The following LAMA2 variants were observed in gnomAD, a reference collection of about 807,000 sequenced individuals.
The protein encoded by LAMA2 is laminin subunit alpha-2.
LAMA2 carries 269 observed loss-of-function variants against 364.8 expected under a neutral mutation model. The ratio of observed to expected loss-of-function variants is 0.74; its 90% CI spans 0.67 to 0.82. The LOEUF (loss-of-function observed/expected upper bound fraction) is 0.82, where lower values mean the gene tolerates loss of function less well. LAMA2 is among the 40% of genes least tolerant of loss of function. The probability of loss-of-function intolerance (pLI) is 0.00; values close to 1 mark genes in which losing one functional copy is unlikely to be tolerated. For synonymous variants in LAMA2, 1,379 were observed against 1,370.6 expected (o/e 1.01, Z -0.14); for missense variants, 3,807 against 3,873.2 (o/e 0.98, Z 0.45).
chr6:129,040,435 A>G (rs1047406407), intron 1 of LAMA2, among the ~76,000 whole-genome samples: 1 of 152,236 alleles, frequency 6.6e-6, no homozygotes, highest in South Asian at 2.1e-4. Context: ...AACTTGGGCA[A>G]CAGAGCAAGA....
intron 37 of LAMA2, among the ~76,000 whole-genome samples, chr6:129,393,825 C>T (rs577442416): frequency 6.6e-6 from 1 of 152,184 alleles, no homozygotes; most frequent in African/African-American, 2.4e-5. Flanking sequence ...TGAATTGAGA[C>T]CAGAGCTTGG....
chr6:129,315,941 A>G lies in LAMA2; in HGVS notation c.3915A>G (p.Glu1305=), dbSNP rs1247245883. 7.4e-6 allele frequency: 12 copies of G among 1,614,022 alleles called. No homozygotes were observed. The highest frequency in any genetic ancestry group is 1.0e-5 in the Non-Finnish European group (12 of 1,180,022). ...LIGQLTRHEI[E]MTEKEWKYYG... Reference sequence around the variant, plus strand: ...GCCAATTGACAAGGCATGAAATTGAAATGACAGAGGTAAAGTTAGTCATTG... The same window carrying G: ...GCCAATTGACAAGGCATGAAATTGAGATGACAGAGGTAAAGTTAGTCATTG... Residue 1305 remains glutamate, a synonymous_variant, in exon 26 of 65, where the codon GAA becomes GAG. Coordinates refer to ENST00000421865, the MANE Select transcript of LAMA2 (RefSeq NM_000426.4).
chr6:129,336,496 C>T (rs1583523534), intron 29 of LAMA2, among the ~76,000 whole-genome samples: 1 of 152,076 alleles, frequency 6.6e-6, no homozygotes, highest in African/African-American at 2.4e-5. Context: ...TGTACCAGGA[C>T]CAAAACAGGT....
chr6:129,044,109 G>C (rs1787296486), intron 1 of LAMA2, among the ~76,000 whole-genome samples: 1 of 151,930 alleles, frequency 6.6e-6, no homozygotes, highest in African/African-American at 2.4e-5. Flanking sequence ...TTCCTTCTAA[G>C]TATTCATAGT....
chr6:129,088,117 A>C (rs12211988), intron 3 of LAMA2, among the ~76,000 whole-genome samples: 9,420 of 23,960 alleles, frequency 0.39, 2,933 homozygotes, highest in Non-Finnish European at 0.76. Flanking sequence ...ATGCTGCCTT[A>C]AAGCATCTGT....
chr6:129,193,025 T>C (rs1175081370), intron 12 of LAMA2, among the ~76,000 whole-genome samples, 172 bp downstream of exon 12: 4 of 152,176 alleles, frequency 2.6e-5, no homozygotes, highest in Admixed American at 6.5e-5. Context: ...CACAAGACCT[T>C]AAAGAGCCAC....
At chr6:129,118,063 A>G (rs371480756) in intron 4 of LAMA2, among the ~76,000 whole-genome samples, 15 of 152,338 alleles carry the variant, frequency 9.8e-5, no homozygotes, top group African/African-American at 3.1e-4. Flanking sequence ...TGTCTTACCC[A>G]TGAAAGAACA....
At chr6:129,332,350 T>C (rs1775705406) in intron 29 of LAMA2, among the ~76,000 whole-genome samples, 1 of 152,200 alleles carries the variant, frequency 6.6e-6, no homozygotes, top group Non-Finnish European at 1.5e-5. Flanking sequence ...TCCATTTTGT[T>C]TTACTTACCT....
At chr6:129,348,988 T>C (rs1776712005) in intron 30 of LAMA2, among the ~76,000 whole-genome samples, 1 of 152,160 alleles carries the variant, frequency 6.6e-6, no homozygotes, top group Non-Finnish European at 1.5e-5. Context: ...TAGTGAACAA[T>C]AGGACAATTT....
intron 1 of LAMA2, among the ~76,000 whole-genome samples, chr6:128,954,488 A>G (rs1163766054): frequency 6.6e-6 from 1 of 152,076 alleles, no homozygotes; most frequent in African/African-American, 2.4e-5. Context: ...AAATACCTGC[A>G]TCAGCAGACA....
At chr6:129,085,990 G>T (rs1013817646) in intron 3 of LAMA2, among the ~76,000 whole-genome samples, 2 of 152,108 alleles carry the variant, frequency 1.3e-5, no homozygotes, top group African/African-American at 4.8e-5. Context: ...ATGACATCAG[G>T]CTTGCAGCCG....
chr6:129,336,319 C>A (rs1378184498), intron 29 of LAMA2, among the ~76,000 whole-genome samples: 1 of 152,056 alleles, frequency 6.6e-6, no homozygotes, highest in Non-Finnish European at 1.5e-5. Flanking sequence ...TAGGTTCATT[C>A]AAAATAACAC....
chr6:129,225,283 A>G (rs139383477), intron 12 of LAMA2, among the ~76,000 whole-genome samples: 1 of 152,268 alleles, frequency 6.6e-6, no homozygotes, highest in African/African-American at 2.4e-5. Context: ...TCAAAAAATC[A>G]TCTCCTGGAT....
At chr6:129,258,394 CA>C (rs1786859721) in intron 14 of LAMA2, among the ~76,000 whole-genome samples, 1 of 151,934 alleles carries the variant, frequency 6.6e-6, no homozygotes, top group South Asian at 2.1e-4. Flanking sequence ...CATGTACATG[CA>C]GTGAACATTA....
chr6:129,422,177 T>A (rs1272059057), intron 40 of LAMA2, among the ~76,000 whole-genome samples: 1 of 152,084 alleles, frequency 6.6e-6, no homozygotes, highest in Non-Finnish European at 1.5e-5. Context: ...TTCCTTATAC[T>A]ATTTCTACTA....
intron 1 of LAMA2, among the ~76,000 whole-genome samples, chr6:129,026,118 A>C (rs1411471916): frequency 6.6e-6 from 1 of 152,182 alleles, no homozygotes; most frequent in East Asian, 1.9e-4. Context: ...TTTCCGTAAA[A>C]TATGTTAGTG....
At position 129,260,791 on chromosome 6, in the gene LAMA2, G is replaced by A; in HGVS notation, c.2177G>A (p.Cys726Tyr). The A allele has an allele frequency of 6.2e-7, 1 of 1,610,192 alleles. No individual in the cohort carries two copies. Among genetic ancestry groups the A allele is most frequent in the Non-Finnish European group, 8.5e-7 (1 of 1,176,590 alleles). ...GCAGCAGCTGTAGAAGTGTGTCAGT[G>A]CCCACCAGGGTATACTGGCTCCTCT... ...SIAAAVEVCQ[C>Y]PPGYTGSSCE... Residue 726 changes from cysteine to tyrosine, a missense_variant, in exon 15 of 65, where the codon TGC becomes TAC. By Grantham distance (194) the Cys-to-Tyr change is radical. Transcript: ENST00000421865.
Position 129,478,356 on chromosome 6 carries a change from C to G in LAMA2, c.7452-337C>G, listed in dbSNP as rs2784893. On this transcript the variant is annotated intron_variant, in intron 53 of 64. Transcript: ENST00000421865. ...TTTATGCTGCCTATGCAATTATCTTCTCTTTGGTGAAAAAAATAAAACTTA... is the reference window on the plus strand; with the variant it reads ...TTTATGCTGCCTATGCAATTATCTTGTCTTTGGTGAAAAAAATAAAACTTA... Among the ~76,000 whole-genome samples the G allele has an allele frequency of 0.66, 100,193 of 151,934 alleles. 33,515 individuals carry two copies. Among genetic ancestry groups the G allele is most frequent in the Non-Finnish European group, 0.72 (48,768 of 67,974 alleles).
chr6:129,052,174 C>T (rs183825537), intron 2 of LAMA2, among the ~76,000 whole-genome samples: 2,449 of 144,948 alleles, frequency 0.017, 76 homozygotes, highest in African/African-American at 0.06. Flanking sequence ...TTCGCTCTGT[C>T]GCCCAGGCTG....
Sources: gnomAD v4.1 joint callset for allele counts (sites outside exome capture counted in the v4.1 genomes callset) on GRCh38, gnomAD v4.1.1 for gene constraint, MANE v1.5 for transcripts, NCBI Gene and HGNC (gene_info 2026-07-23, HGNC 2026-07-21) for gene names.